Variants in NETO1 observed in about 807,000 individuals in gnomAD.
NETO1 encodes the protein neuropilin and tolloid-like protein 1.
NETO1 carries 26 observed loss-of-function variants against 61.3 expected under a neutral mutation model. That is an observed-to-expected ratio of 0.42 (90% CI 0.31 to 0.59). The LOEUF (loss-of-function observed/expected upper bound fraction) is 0.59, where lower values mean the gene tolerates loss of function less well. NETO1 is among the 20% of genes least tolerant of loss of function. The pLI is 0.12. For synonymous variants in NETO1, 225 were observed against 225.8 expected, an observed-to-expected ratio of 1.00 and a Z score of 0.03; for missense variants, 531 against 662.8, an observed-to-expected ratio of 0.80 and a Z score of 2.18.
intron 7 of NETO1, among the ~76,000 whole-genome samples, chr18:72,770,006 A>C (rs1306562492): frequency 6.6e-6 from 1 of 151,990 alleles, no homozygotes; most frequent in African/African-American, 2.4e-5. Context: ...GTCCTTCAGG[A>C]AATATTTTGT....
intron 4 of NETO1, among the ~76,000 whole-genome samples, chr18:72,813,217 A>G (rs1423803474): frequency 6.6e-6 from 1 of 152,242 alleles, no homozygotes; most frequent in Non-Finnish European, 1.5e-5. Flanking sequence ...TTGTCATTAC[A>G]GGAGAACTGC....
chr18:72,748,505 G>A (rs1364794173), intron 10 of NETO1, among the ~76,000 whole-genome samples: 1 of 151,966 alleles, frequency 6.6e-6, no homozygotes, highest in Non-Finnish European at 1.5e-5. Flanking sequence ...TTGATGAGAT[G>A]AGCTACATAT....
chr18:72,781,408 T>C (rs1215262038), intron 7 of NETO1, among the ~76,000 whole-genome samples: 1 of 152,236 alleles, frequency 6.6e-6, no homozygotes, highest in Non-Finnish European at 1.5e-5. Flanking sequence ...GAGTCTCATA[T>C]GCTTGTCAAT....
At chr18:72,861,390 T>C (rs556160780) in intron 3 of NETO1, among the ~76,000 whole-genome samples, 5 of 152,242 alleles carry the variant, frequency 3.3e-5, no homozygotes, top group Non-Finnish European at 5.9e-5. Flanking sequence ...TGAGTGATTA[T>C]GGCACATAGA....
Position 72,746,849 on chromosome 18 carries a change from A to T in NETO1, c.*1330T>A, listed in dbSNP as rs1024715714. Among the ~76,000 whole-genome samples, 2 of 152,036 alleles carry T rather than the reference A, an allele frequency of 1.3e-5. No individual in the cohort carries two copies. The highest frequency in any genetic ancestry group is 2.9e-5 in the Non-Finnish European group (2 of 67,932). On this transcript the variant is annotated 3_prime_UTR_variant, in exon 11 of 11. Coordinates refer to ENST00000327305, the MANE Select transcript of NETO1 (RefSeq NM_138966.5). ...TATTTTAAAAAATAACCACTCACCA[A>T]ATCAAACTTTACAGAGTGTGTATAT...
At position 72,837,909 on chromosome 18, in the gene NETO1, G is replaced by A. The variant is rs530925100; in HGVS notation, c.469+20917C>T. Among the ~76,000 whole-genome samples, 20 of 150,794 alleles carry A rather than the reference G, an allele frequency of 1.3e-4. 1 individual carries two copies. The South Asian group carries it at 3.6e-3, about 27-fold the overall frequency. Reference sequence around the variant, plus strand: ...TCCCCATCACCATCCTCTATGACAGGTATCTCTACAATAGCTACACAAAAC... The same window carrying A: ...TCCCCATCACCATCCTCTATGACAGATATCTCTACAATAGCTACACAAAAC... On this transcript the variant is annotated intron_variant, in intron 4 of 10. Coordinates refer to ENST00000327305, the MANE Select transcript of NETO1 (RefSeq NM_138966.5).
intron 4 of NETO1, among the ~76,000 whole-genome samples, chr18:72,829,294 G>A (rs1324980787): frequency 6.6e-6 from 1 of 152,046 alleles, no homozygotes; most frequent in Non-Finnish European, 1.5e-5. Flanking sequence ...CACTAAAAAT[G>A]CAAACTTTCC....
intron 4 of NETO1, among the ~76,000 whole-genome samples, chr18:72,804,142 T>C (rs1399724157): frequency 6.6e-6 from 1 of 152,174 alleles, no homozygotes; most frequent in African/African-American, 2.4e-5. Context: ...ATTTAAAATA[T>C]ACTCAGTTTA....
At chr18:72,842,595 C>A (rs2073969139) in intron 4 of NETO1, among the ~76,000 whole-genome samples, 1 of 152,064 alleles carries the variant, frequency 6.6e-6, no homozygotes, top group Non-Finnish European at 1.5e-5. Context: ...TCACCGAGAA[C>A]AACTGAAATC....
rs527512049 is a variant in NETO1, at chr18:72,796,463, G to T, written c.470-2059C>A. ...AACAAGTTACAGATGCCTTTGCAAA[G>T]CTGTTTTTAAAATAGATTTTTTTTG... On this transcript the variant is annotated intron_variant, in intron 4 of 10. Coordinates refer to ENST00000327305, the MANE Select transcript of NETO1 (RefSeq NM_138966.5). Among the ~76,000 whole-genome samples the T allele has an allele frequency of 1.2e-3, 187 of 152,274 alleles. 2 individuals are homozygous for T. The highest frequency in any genetic ancestry group is 4.3e-3 in the African/African-American group (178 of 41,556).
intron 4 of NETO1, among the ~76,000 whole-genome samples, chr18:72,812,070 T>G (rs1046441228): frequency 1.3e-5 from 2 of 152,174 alleles, no homozygotes; most frequent in Admixed American, 1.3e-4. Flanking sequence ...ACATCTTCAT[T>G]GAGGAACAAC....
At chr18:72,742,724 T>A (rs1192605032), downstream of NETO1, 4 of 152,192 alleles carry the variant, frequency 2.6e-5, no homozygotes, top group African/African-American at 9.6e-5. Context: ...CATCATTGTT[T>A]ATTGTGTAAT....
At chr18:72,845,698 T>C (rs956229079) in intron 4 of NETO1, among the ~76,000 whole-genome samples, 1 of 152,196 alleles carries the variant, frequency 6.6e-6, no homozygotes, top group African/African-American at 2.4e-5. Flanking sequence ...AAGTATAGGT[T>C]ACAGGAAAAT....
At chr18:72,829,639 G>C (rs2073508786) in intron 4 of NETO1, among the ~76,000 whole-genome samples, 1 of 152,108 alleles carries the variant, frequency 6.6e-6, no homozygotes, top group South Asian at 2.1e-4. Flanking sequence ...TTAATTTTTA[G>C]AATACAAGCT....
At chr18:72,758,466 T>C (rs2145118777) in intron 7 of NETO1, among the ~76,000 whole-genome samples, 1 of 151,652 alleles carries the variant, frequency 6.6e-6, no homozygotes, top group East Asian at 1.9e-4. Flanking sequence ...ATGTATTTTC[T>C]TCCTTACTTT....
intron 7 of NETO1, among the ~76,000 whole-genome samples, chr18:72,773,983 G>C (rs997071903): frequency 2.0e-5 from 3 of 151,774 alleles, no homozygotes; most frequent in African/African-American, 4.8e-5. Flanking sequence ...CAAAAGACTT[G>C]ATAGTCTTTT....
intron 4 of NETO1, chr18:72,834,188 C>T (rs1480717612): frequency 4.7e-5 from 28 of 597,942 alleles, no homozygotes; most frequent in Non-Finnish European, 5.5e-5. Flanking sequence ...TAAAATACAA[C>T]ATATATGCAT....
intron 1 of NETO1, chr18:72,866,665 T>C (rs2074742712): frequency 4.2e-6 from 4 of 953,288 alleles, no homozygotes; most frequent in South Asian, 9.7e-5. Flanking sequence ...CATTTTCTTA[T>C]ACTGCCTTTT....
intron 7 of NETO1, among the ~76,000 whole-genome samples, chr18:72,759,866 G>C (rs1286992842): frequency 6.6e-6 from 1 of 152,132 alleles, no homozygotes; most frequent in Non-Finnish European, 1.5e-5. Flanking sequence ...AAATTTATTT[G>C]TAATAAAGTG....
Sources: gnomAD v4.1 joint callset for allele counts (sites outside exome capture counted in the v4.1 genomes callset) on GRCh38, gnomAD v4.1.1 for gene constraint, MANE v1.5 for transcripts, NCBI Gene and HGNC (gene_info 2026-07-23, HGNC 2026-07-21) for gene names.